The following CRAMP1 variants were observed in gnomAD, a reference collection of about 807,000 sequenced individuals.
CRAMP1 encodes the protein protein cramped-like.
A neutral mutation model predicts 115.4 loss-of-function variants in CRAMP1; 50 were observed. That is an observed-to-expected ratio of 0.43 (90% CI 0.35 to 0.55). The LOEUF (loss-of-function observed/expected upper bound fraction) is 0.55. Ranked by LOEUF, CRAMP1 falls within the 20% of genes least tolerant of loss-of-function variation. The probability of loss-of-function intolerance (pLI) is 0.01; values close to 1 mark genes in which losing one functional copy is unlikely to be tolerated. For missense variants in CRAMP1, 1,679 were observed against 1,721.7 expected (o/e 0.98, Z 0.44); for synonymous variants, 866 against 745.4 (o/e 1.16, Z -2.64).
In CRAMP1 at chr16:1,665,106, C is replaced by T; in HGVS notation, c.2720C>T (p.Ser907Phe). Residue 907 changes from serine (S) to phenylalanine (F), a missense_variant, in exon 14 of 21, where the codon TCC becomes TTC. Around this residue, in one of 8 missense-constraint regions of CRAMP1, gnomAD observed 709 missense variants for 741.9 expected, o/e 0.96. Transcript: ENST00000397412. The stretch of plus-strand genomic sequence containing the variant: ...GAAAACCAGTCCCACAACGTTTGTT[C>T]CTTCTCCATCCTGTCTAACTCTTCC... Reference protein sequence around the residue: ...PSENQSHNVCSFSILSNSSVT... With the variant: ...PSENQSHNVCFFSILSNSSVT... 6.2e-7 allele frequency: 1 copy of T among 1,613,042 alleles called. No individual in the cohort carries two copies. The highest frequency in any genetic ancestry group is 1.1e-5 in the South Asian group (1 of 91,052).
intron 2 of CRAMP1, among the ~76,000 whole-genome samples, chr16:1,618,915 C>G (rs981696457): frequency 5.3e-5 from 8 of 152,176 alleles, no homozygotes; most frequent in African/African-American, 1.9e-4. Context: ...AAAATTTGAA[C>G]ATTGGTTTGA....
chr16:1,625,909 C>T (rs910366588), intron 2 of CRAMP1, 64 bp from the exon 3 acceptor site: 2 of 1,505,476 alleles, frequency 1.3e-6, no homozygotes, highest in Admixed American at 2.0e-5. Context: ...TCCCACCGGC[C>T]CTCTACCCTG....
chr16:1,653,181 G>T, intron 8 of CRAMP1, 25 bp downstream of exon 8: 1 of 1,600,016 alleles, frequency 6.2e-7, no homozygotes. Context: ...GGCACGCAGA[G>T]GGGTCCCAAC....
chr16:1,655,777 G>A, intron 9 of CRAMP1, 100 bp from the exon 10 acceptor site: 1 of 1,325,216 alleles, frequency 7.5e-7, no homozygotes, highest in Non-Finnish European at 1.0e-6. Context: ...TACCCTGGGG[G>A]ATGCCAGTGG....
chr16:1,662,620 T>C lies in CRAMP1; in HGVS notation c.2544T>C (p.Ser848=). The C allele has an allele frequency of 1.9e-6, 3 of 1,613,974 alleles. No individual in the cohort carries two copies. Among genetic ancestry groups the C allele is most frequent in the Non-Finnish European group, 1.7e-6 (2 of 1,179,874 alleles). ...PPNSRHGKLF[S]PSKEAELTFR... ...ACAGCCGACACGGGAAGCTCTTCTC[T>C]CCCAGTAAAGAAGCAGAGCTGACTT... The change falls in exon 12 of 21, where the codon TCT becomes TCC. Residue 848 remains serine, a synonymous_variant. Coordinates refer to ENST00000397412, the MANE Select transcript of CRAMP1 (RefSeq NM_020825.4).
chr16:1,632,830 C>T (rs998699014), intron 4 of CRAMP1, among the ~76,000 whole-genome samples: 1 of 152,252 alleles, frequency 6.6e-6, no homozygotes, highest in Admixed American at 6.5e-5. Flanking sequence ...CTCGTTCAGT[C>T]ACGGGACCAA....
intron 2 of CRAMP1, among the ~76,000 whole-genome samples, chr16:1,623,261 T>A (rs2036480785): frequency 6.6e-6 from 1 of 152,236 alleles, no homozygotes. Context: ...GGTGGCCTGC[T>A]CCTCTGAGGA....
At chr16:1,622,646 C>A (rs1006410483) in intron 2 of CRAMP1, among the ~76,000 whole-genome samples, 2 of 152,112 alleles carry the variant, frequency 1.3e-5, no homozygotes, top group African/African-American at 4.8e-5. Context: ...CAAGGTCTCC[C>A]TGTGTGGCCC....
At chr16:1,630,892 G>GACACCAACAA (rs2036543963) in intron 3 of CRAMP1, among the ~76,000 whole-genome samples, 9 of 152,162 alleles carry the variant, frequency 5.9e-5, no homozygotes, top group Non-Finnish European at 1.2e-4. Context: ...GTCCTTCTTG[G>GACACCAACAA]CGCATCCAGT....
At chr16:1,673,811 C>T in intron 20 of CRAMP1, 70 bp from the exon 21 acceptor site, 1 of 1,484,088 alleles carries the variant, frequency 6.7e-7, no homozygotes, top group Non-Finnish European at 9.3e-7. Context: ...CGTCCTGTTT[C>T]AGGACCCGCC....
rs2036773283 is a variant in CRAMP1 at position 1,656,327 on chromosome 16, G to A, written c.1570G>A (p.Glu524Lys). The A allele has an allele frequency of 6.2e-7, 1 of 1,610,800 alleles. No homozygotes were observed. The highest frequency in any genetic ancestry group is 1.3e-5 in the African/African-American group (1 of 74,878). Residue 524 changes from glutamate to lysine, a missense_variant, in exon 10 of 21, where the codon GAG becomes AAG. By Grantham distance (56) the Glu-to-Lys change is moderately conservative. Around this residue, in one of 8 missense-constraint regions of CRAMP1, gnomAD observed 405 missense variants for 302.6 expected, o/e 1.34. Transcript: ENST00000397412. The surrounding 1 kb of genome is among the most constrained non-coding windows in gnomAD (Gnocchi z 5.6). Reference sequence around the variant, plus strand: ...GCACCAGGACACTGGGCCATGTCTTGAGAAGACCCCTGCAGAAGGCAGGGA... The same window carrying A: ...GCACCAGGACACTGGGCCATGTCTTAAGAAGACCCCTGCAGAAGGCAGGGA... Reference protein sequence around the residue: ...PRHQDTGPCLEKTPAEGRDSP... With the variant: ...PRHQDTGPCLKKTPAEGRDSP...
At chr16:1,662,321 T>C (rs17135478) in intron 11 of CRAMP1, 169 bp from the exon 12 acceptor site, 13,606 of 604,792 alleles carry the variant, frequency 0.022, 928 homozygotes, top group Admixed American at 0.17. Flanking sequence ...GTGAGAAGGA[T>C]AGAAAATCAG....
intron 4 of CRAMP1, among the ~76,000 whole-genome samples, chr16:1,634,045 A>T (rs566693156): frequency 4.0e-4 from 61 of 151,790 alleles, no homozygotes; most frequent in Non-Finnish European, 6.3e-4. Flanking sequence ...AAAAAGAAAG[A>T]AAGTCAGTCC....
At chr16:1,665,752 C>T (rs1430779975) in intron 14 of CRAMP1, 2 of 338,424 alleles carry the variant, frequency 5.9e-6, no homozygotes, top group African/African-American at 4.2e-5. Flanking sequence ...GAATCTGATG[C>T]TCTGACTGCC....
chr16:1,617,845 G>T (rs1459681747), intron 2 of CRAMP1, among the ~76,000 whole-genome samples: 1 of 152,202 alleles, frequency 6.6e-6, no homozygotes, highest in Non-Finnish European at 1.5e-5. Context: ...TTGATAAAGC[G>T]ATGGTAGCTG....
intron 5 of CRAMP1, among the ~76,000 whole-genome samples, chr16:1,640,673 G>A (rs1483679545): frequency 6.6e-6 from 1 of 152,198 alleles, no homozygotes; most frequent in African/African-American, 2.4e-5. Context: ...TCATTCTGTG[G>A]ACCCTGGGTG....
chr16:1,653,270 C>G, intron 8 of CRAMP1, 114 bp downstream of exon 8: 3 of 1,248,252 alleles, frequency 2.4e-6, no homozygotes, highest in African/African-American at 3.0e-5. Flanking sequence ...CCCCTATGCT[C>G]TGTCATCACA....
Position 1,669,755 on chromosome 16 carries a change from T to A in CRAMP1, c.3499+590T>A, listed in dbSNP as rs1680115863. On this transcript the variant is annotated intron_variant, in intron 19 of 20. Coordinates refer to ENST00000397412, the MANE Select transcript of CRAMP1 (RefSeq NM_020825.4). This position sits in a 1 kb window ranked among gnomAD's most constrained non-coding sequence, Gnocchi z 4.6. ...CTGCTGTTGCCTGCCCAGAGAGAGC[T>A]CCCATTTGGATGTCTGGGGTCTTCC... is the stretch of plus-strand genomic sequence containing the variant. 6.6e-6 allele frequency among the ~76,000 whole-genome samples: 1 copy of A among 152,124 alleles called. No homozygotes were observed. Among genetic ancestry groups the A allele is most frequent in the African/African-American group, 2.4e-5 (1 of 41,420 alleles).
intron 6 of CRAMP1, among the ~76,000 whole-genome samples, chr16:1,646,846 T>G (rs1335747637): frequency 2.6e-5 from 4 of 152,268 alleles, no homozygotes; most frequent in Non-Finnish European, 5.9e-5. Flanking sequence ...ATGTGAAGTT[T>G]AGGAGGAGCT....
Sources: gnomAD v4.1 joint callset for allele counts (sites outside exome capture counted in the v4.1 genomes callset) on GRCh38, gnomAD v4.1.1 for gene constraint, gnomAD v4.1.1 regional missense constraint, Gnocchi (gnomAD v3.1) non-coding constraint, MANE v1.5 for transcripts, NCBI Gene and HGNC (gene_info 2026-07-23, HGNC 2026-07-21) for gene names.